SKIL: variants seen among roughly 807,000 people sequenced by gnomAD.
SKIL encodes ski-like protein.
SKIL carries 20 observed loss-of-function variants against 69.6 expected under a neutral mutation model. That is an observed-to-expected ratio of 0.29 (90% CI 0.20 to 0.42). The LOEUF (loss-of-function observed/expected upper bound fraction) is 0.42, where lower values mean the gene tolerates loss of function less well. Ranked by LOEUF, SKIL falls within the 10% of genes least tolerant of loss-of-function variation. The pLI is 1.00. For missense variants in SKIL, 745 were observed against 783.1 expected (o/e 0.95, Z 0.58); for synonymous variants, 310 against 279.9 (o/e 1.11, Z -1.08).
chr3:170,381,830 CCAGCA>C (rs1349730247), intron 3 of SKIL, among the ~76,000 whole-genome samples: 1 of 151,676 alleles, frequency 6.6e-6, no homozygotes, highest in African/African-American at 2.4e-5. Flanking sequence ...GCCTGTAATC[CCAGCA>C]CTTTGGGAGG....
chr3:170,391,846 TGTA>T (rs999971171), intron 6 of SKIL, among the ~76,000 whole-genome samples: 95 of 152,370 alleles, frequency 6.2e-4, no homozygotes, highest in African/African-American at 2.1e-3. Context: ...ATTATTTTAA[TGTA>T]GTATATGAGC....
chr3:170,378,411 T>G (rs1186265128), intron 2 of SKIL, among the ~76,000 whole-genome samples: 2 of 152,200 alleles, frequency 1.3e-5, no homozygotes, highest in Non-Finnish European at 2.9e-5. Context: ...TGATTTTGTT[T>G]TAATCACTAC....
chr3:170,381,376 A>C lies in SKIL; in HGVS notation c.1196+35A>C, dbSNP rs774125543. 8.1e-6 allele frequency: 8 copies of C among 984,420 alleles called. No individual in the cohort carries two copies. The South Asian group carries it at 1.0e-4, about 13-fold the overall frequency. 61.0% of individuals were successfully genotyped at this position (984,420 alleles called of 1,614,324 possible). ...TATTTATTTGTTCGTTTGTTCATTC[A>C]TTTCTTCATTCAACAACTATATGCC... On this transcript the variant is annotated intron_variant, in intron 3 of 6. Transcript: ENST00000259119.
chr3:170,381,014 T>TTTA (rs1737315253), intron 2 of SKIL, among the ~76,000 whole-genome samples: 1 of 150,254 alleles, frequency 6.7e-6, no homozygotes, highest in Non-Finnish European at 1.5e-5. Context: ...TTTTTTTTTT[T>TTTA]AAAGAGACTG....
In SKIL at chr3:170,360,826, C is replaced by G. The variant is rs768168124; in HGVS notation, c.495C>G (p.Leu165=). The change falls in exon 2 of 7, where the codon CTC becomes CTG. Residue 165 remains leucine, a synonymous_variant. Coordinates refer to ENST00000259119, the MANE Select transcript of SKIL (RefSeq NM_005414.5). The stretch of plus-strand genomic sequence containing the variant: ...TTCAAGTTGGAGGAGAAAAGAGACT[C>G]TGTTTGCCCCAAGTCTTAAATTCTG... ...SCFQVGGEKR[L]CLPQVLNSVL... 1.9e-6 allele frequency: 3 copies of G among 1,614,104 alleles called. No individual in the cohort carries two copies. The highest frequency in any genetic ancestry group is 1.3e-5 in the African/African-American group (1 of 74,936).
At chr3:170,378,639 C>T (rs1344700746) in intron 2 of SKIL, among the ~76,000 whole-genome samples, 1 of 141,636 alleles carries the variant, frequency 7.1e-6, no homozygotes, top group African/African-American at 2.6e-5. Flanking sequence ...GCAACCTCTG[C>T]CTCCCGGATT....
intron 2 of SKIL, among the ~76,000 whole-genome samples, chr3:170,363,606 C>T (rs932384334): frequency 1.3e-5 from 2 of 152,066 alleles, no homozygotes; most frequent in Non-Finnish European, 2.9e-5. Context: ...CTGCCTCAGC[C>T]TCCTGAGTCA....
intron 2 of SKIL, among the ~76,000 whole-genome samples, chr3:170,373,481 C>T (rs774197426): frequency 3.3e-5 from 5 of 152,038 alleles, no homozygotes; most frequent in Admixed American, 2.0e-4. Context: ...CCTGGCCTTC[C>T]GGCTCATATA....
Position 170,381,275 on chromosome 3 carries a change from C to T in SKIL, c.1130C>T (p.Ser377Leu), listed in dbSNP as rs766169486. Residue 377 changes from serine to leucine, a missense_variant, in exon 3 of 7, where the codon TCA becomes TTA. By Grantham distance (145) the Ser-to-Leu change is moderately radical (BLOSUM62 -2). Coordinates refer to ENST00000259119, the MANE Select transcript of SKIL (RefSeq NM_005414.5). The part of the protein sequence containing the change: ...TDAPSGMELQ[S>L]WYPVIKQEGD... The stretch of plus-strand genomic sequence containing the variant: ...GCACCATCAGGAATGGAATTACAGT[C>T]ATGGTATCCTGTTATAAAGCAGGAA... The T allele has an allele frequency of 1.3e-5, 20 of 1,595,386 alleles. No individual in the cohort carries two copies. In the East Asian group the frequency reaches 2.9e-4, roughly 23 times the overall value.
At position 170,393,802 on chromosome 3, in the gene SKIL, T is replaced by C. The variant is rs1400702110; in HGVS notation, c.*1385T>C. The C allele has an allele frequency of 2.0e-5, 3 of 152,206 alleles. No homozygotes were observed. Among genetic ancestry groups the C allele is most frequent in the African/African-American group, 7.2e-5 (3 of 41,460 alleles). 9.4% of individuals were successfully genotyped at this position (152,206 alleles called of 1,614,324 possible). ...TGTATGAAATTACTTCAGAGAGCTA[T>C]ATTTATTTTAAAATAAATTAGCTAG... is the stretch of plus-strand genomic sequence containing the variant. On this transcript the variant is annotated 3_prime_UTR_variant, in exon 7 of 7. Transcript: ENST00000259119.
intron 2 of SKIL, among the ~76,000 whole-genome samples, chr3:170,363,503 GAGAC>G (rs1294911916): frequency 7.0e-6 from 1 of 142,812 alleles, no homozygotes; most frequent in Non-Finnish European, 1.5e-5. Context: ...TTTTTTTTTT[GAGAC>G]AGAGTTTCGC....
intron 3 of SKIL, among the ~76,000 whole-genome samples, chr3:170,383,557 A>G (rs1364462268): frequency 6.6e-6 from 1 of 152,218 alleles, no homozygotes; most frequent in East Asian, 1.9e-4. Flanking sequence ...GGGCAATTTT[A>G]TGTGAGTTTT....
At chr3:170,370,728 TAAG>T (rs1736765660) in intron 2 of SKIL, among the ~76,000 whole-genome samples, 1 of 152,274 alleles carries the variant, frequency 6.6e-6, no homozygotes, top group African/African-American at 2.4e-5. Context: ...TTAAAAAGCT[TAAG>T]AAACTTACTA....
intron 2 of SKIL, among the ~76,000 whole-genome samples, chr3:170,366,700 C>CACAG (rs150064909): frequency 0.016 from 2,462 of 149,806 alleles, 66 homozygotes; most frequent in African/African-American, 0.056. Context: ...CACACAGACA[C>CACAG]ACACACACAC....
rs958553457 is a variant in SKIL, at chr3:170,393,567, A to G, written c.*1150A>G. The G allele has an allele frequency of 6.6e-6, 1 of 152,154 alleles. No individual in the cohort carries two copies. The highest frequency in any genetic ancestry group is 1.5e-5 in the Non-Finnish European group (1 of 68,014). The allele number at this position is 152,154 out of a possible 1,614,324, so 9.4% of individuals were successfully genotyped here. ...GAATTCCATAGTTTCAGGAGGGACA[A>G]CATCTTCTGCACTTTTTTTTTGCAC... On this transcript the variant is annotated 3_prime_UTR_variant, in exon 7 of 7. Transcript: ENST00000259119.
intron 2 of SKIL, among the ~76,000 whole-genome samples, chr3:170,365,812 A>G (rs563178060): frequency 2.2e-4 from 31 of 142,138 alleles, no homozygotes; most frequent in Middle Eastern, 3.8e-3. Flanking sequence ...CTGGAGTGCA[A>G]TGGCGCGATC....
chr3:170,390,749 G>T (rs1737870915), intron 5 of SKIL, among the ~76,000 whole-genome samples: 1 of 152,052 alleles, frequency 6.6e-6, no homozygotes. Flanking sequence ...CAAAGTGCTG[G>T]GATTACAGGT....
chr3:170,362,803 A>G (rs1371709511), intron 2 of SKIL, among the ~76,000 whole-genome samples: 1 of 149,924 alleles, frequency 6.7e-6, no homozygotes, highest in Non-Finnish European at 1.5e-5. Context: ...CGTCAGAGTA[A>G]GACTCCATTT....
Position 170,393,268 on chromosome 3 carries a change from C to T in SKIL, c.*851C>T, listed in dbSNP as rs765222031. 2.0e-5 allele frequency: 3 copies of T among 152,054 alleles called. No homozygotes were observed. Among genetic ancestry groups the T allele is most frequent in the Non-Finnish European group, 2.9e-5 (2 of 67,986 alleles). 9.4% of individuals were successfully genotyped at this position (152,054 alleles called of 1,614,324 possible). ...CTATACAATCCATAATCCTCCTGTA[C>T]AGTTTTTACATGTAGTTATGAGTCT... On this transcript the variant is annotated 3_prime_UTR_variant, in exon 7 of 7. Transcript: ENST00000259119.
Sources: gnomAD v4.1 joint callset for allele counts (sites outside exome capture counted in the v4.1 genomes callset) on GRCh38, gnomAD v4.1.1 for gene constraint, MANE v1.5 for transcripts, NCBI Gene and HGNC (gene_info 2026-07-23, HGNC 2026-07-21) for gene names.